The following CFAP77 variants were observed in gnomAD, a reference collection of about 807,000 sequenced individuals.
CFAP77 encodes the protein cilia- and flagella-associated protein 77.
Under a neutral mutation model 31.1 loss-of-function variants are expected in CFAP77, and 25 were observed. The observed-to-expected ratio is 0.80, with a 90% CI of 0.59 to 1.12. CFAP77 has a LOEUF of 1.12. Ranked by LOEUF, CFAP77 falls within the 50% of genes most tolerant of loss-of-function variation. The probability of loss-of-function intolerance (pLI) is 0.00; values close to 1 mark genes in which losing one functional copy is unlikely to be tolerated. For missense variants in CFAP77, 377 were observed against 397.3 expected (o/e 0.95, Z 0.44); for synonymous variants, 151 against 159.9 (o/e 0.94, Z 0.42).
At chr9:132,555,896 A>G (rs1852897206) in intron 5 of CFAP77, among the ~76,000 whole-genome samples, 1 of 152,114 alleles carries the variant, frequency 6.6e-6, no homozygotes, top group Admixed American at 6.5e-5. Flanking sequence ...ATATTTATCA[A>G]GCACCCACGG....
chr9:132,474,581 A>AG (rs752941583), intron 1 of CFAP77, among the ~76,000 whole-genome samples: 12 of 151,978 alleles, frequency 7.9e-5, no homozygotes, highest in East Asian at 5.8e-4. Flanking sequence ...CCTTAGGACC[A>AG]GGGGGGGAAT....
At chr9:132,486,684 C>T (rs563210020) in intron 1 of CFAP77, among the ~76,000 whole-genome samples, 42 of 152,390 alleles carry the variant, frequency 2.8e-4, no homozygotes, top group Middle Eastern at 3.4e-3. Context: ...CCCCCAGAGG[C>T]CGGGGACTCC....
At chr9:132,453,623 A>G (rs1164415874) in intron 1 of CFAP77, among the ~76,000 whole-genome samples, 2 of 152,240 alleles carry the variant, frequency 1.3e-5, no homozygotes, top group Non-Finnish European at 2.9e-5. Flanking sequence ...ATTCATTTAA[A>G]AACCCCACAG....
intron 1 of CFAP77, among the ~76,000 whole-genome samples, chr9:132,491,888 C>G (rs1002571480): frequency 6.6e-6 from 1 of 152,138 alleles, no homozygotes; most frequent in African/African-American, 2.4e-5. Context: ...TGTTGTTTTG[C>G]TTAAAGTTGC....
chr9:132,493,655 C>A (rs563126974), intron 1 of CFAP77, among the ~76,000 whole-genome samples: 35 of 152,314 alleles, frequency 2.3e-4, no homozygotes, highest in Non-Finnish European at 4.6e-4. Context: ...TCACTGCCCC[C>A]ACCCAGGGGT....
chr9:132,508,193 C>T (rs1344991075), intron 3 of CFAP77, among the ~76,000 whole-genome samples: 2 of 152,162 alleles, frequency 1.3e-5, no homozygotes, highest in Non-Finnish European at 1.5e-5. Flanking sequence ...TCATAGACTC[C>T]GCTGTGATCC....
chr9:132,526,374 T>G (rs977672620), intron 3 of CFAP77, among the ~76,000 whole-genome samples: 1 of 151,678 alleles, frequency 6.6e-6, no homozygotes, highest in Non-Finnish European at 1.5e-5. Context: ...GGACTACAGG[T>G]GCCCGCCACC....
At chr9:132,569,683 C>CCCCAAGG (rs1291295113) in intron 5 of CFAP77, among the ~76,000 whole-genome samples, 1 of 151,536 alleles carries the variant, frequency 6.6e-6, no homozygotes, top group Non-Finnish European at 1.5e-5. Context: ...GCCCCCGAGA[C>CCCCAAGG]CCCAAGGTCT....
rs993406269 is a variant in CFAP77 at position 132,539,597 on chromosome 9, G to A, written c.630+1891G>A. ...CTATGATGTTCTAGGGCCAACCAGGGGATCGGAGGAGTCTTTCTCGAAATC... is the reference window on the plus strand; with the variant it reads ...CTATGATGTTCTAGGGCCAACCAGGAGATCGGAGGAGTCTTTCTCGAAATC... On this transcript the variant is annotated intron_variant, in intron 4 of 5. Transcript: ENST00000393216. The surrounding 1 kb of genome is among the most constrained non-coding windows in gnomAD (Gnocchi z 4.3). Among the ~76,000 whole-genome samples the A allele has an allele frequency of 6.6e-6, 1 of 152,122 alleles. No individual in the cohort carries two copies. Among genetic ancestry groups the A allele is most frequent in the African/African-American group, 2.4e-5 (1 of 41,436 alleles).
At chr9:132,466,613 G>T (rs74792273) in intron 1 of CFAP77, among the ~76,000 whole-genome samples, 2,828 of 152,292 alleles carry the variant, frequency 0.019, 86 homozygotes, top group African/African-American at 0.065. Flanking sequence ...GACTGGATCG[G>T]TGTGGGGACA....
At chr9:132,464,396 C>G (rs959846466) in intron 1 of CFAP77, among the ~76,000 whole-genome samples, 2 of 152,070 alleles carry the variant, frequency 1.3e-5, no homozygotes, top group Admixed American at 1.3e-4. Context: ...ACTGTGCTGT[C>G]TTCAGAGCCT....
At position 132,559,346 on chromosome 9, in the gene CFAP77, C is replaced by CAAAAAAAAAAAAA. The variant is rs35737685; in HGVS notation, c.733-13034_733-13022dup. On this transcript the variant is annotated intron_variant, in intron 5 of 5. Transcript: ENST00000393216. The stretch of plus-strand genomic sequence containing the variant: ...CGCGTCAGAGTGAGACTCTGTCTTG[C>CAAAAAAAAAAAAA]AAAAAAAAAAAAAAAAAAAAGGCAA... 8.0e-4 allele frequency among the ~76,000 whole-genome samples: 45 copies of CAAAAAAAAAAAAA among 56,080 alleles called. 2 individuals carry two copies. The highest frequency in any genetic ancestry group is 2.0e-3 in the South Asian group (3 of 1,490). 36.8% of individuals were successfully genotyped at this position (56,080 alleles called of 152,430 possible). A position where few individuals can be genotyped will look rare whatever the true frequency, so the allele number is the denominator to read the frequency against.
chr9:132,531,940 G>C (rs540697307), intron 3 of CFAP77, among the ~76,000 whole-genome samples: 93 of 152,274 alleles, frequency 6.1e-4, no homozygotes, highest in African/African-American at 1.9e-3. Context: ...TGGATGTACC[G>C]GGGACTGCTG....
intron 1 of CFAP77, among the ~76,000 whole-genome samples, chr9:132,486,062 G>A (rs1263416723): frequency 0.031 from 666 of 21,380 alleles, 88 homozygotes; most frequent in East Asian, 0.14. Context: ...GTATGTGTGT[G>A]TGTGTATATA....
In CFAP77 at chr9:132,514,970, G is replaced by A. The variant is rs114633237; in HGVS notation, c.524+15370G>A. Among the ~76,000 whole-genome samples the A allele has an allele frequency of 7.2e-3, 1,099 of 152,214 alleles. 13 individuals are homozygous for A. The highest frequency in any genetic ancestry group is 0.024 in the African/African-American group (1,012 of 41,540). On this transcript the variant is annotated intron_variant, in intron 3 of 5. Coordinates refer to ENST00000393216, the MANE Select transcript of CFAP77 (RefSeq NM_001282957.2). Reference sequence around the variant, plus strand: ...GCGCCAGAGCTCAGCCCCCCAGCCCGCCCCAGCTCTCTGCTGGGAGGACAG... The same window carrying A: ...GCGCCAGAGCTCAGCCCCCCAGCCCACCCCAGCTCTCTGCTGGGAGGACAG...
chr9:132,475,896 C>T (rs968796433), intron 1 of CFAP77, among the ~76,000 whole-genome samples: 9 of 152,198 alleles, frequency 5.9e-5, no homozygotes, highest in African/African-American at 2.2e-4. Flanking sequence ...CCATCCCTGG[C>T]TCCCTATTAC....
chr9:132,411,655 A>G (rs1850004671), intron 1 of CFAP77, among the ~76,000 whole-genome samples: 1 of 152,172 alleles, frequency 6.6e-6, no homozygotes, highest in Admixed American at 6.5e-5. Flanking sequence ...GTGGACAGGC[A>G]GGACAGGCAG....
chr9:132,553,454 C>A (rs1481603359), intron 5 of CFAP77, among the ~76,000 whole-genome samples: 1 of 152,162 alleles, frequency 6.6e-6, no homozygotes, highest in Non-Finnish European at 1.5e-5. Flanking sequence ...AACAAACAAA[C>A]AAACAAACAC....
At chr9:132,425,431 T>C (rs1023408231) in intron 1 of CFAP77, among the ~76,000 whole-genome samples, 7 of 151,844 alleles carry the variant, frequency 4.6e-5, no homozygotes, top group South Asian at 2.1e-4. Context: ...CTTATCCCCA[T>C]GCTGAAAATG....
Sources: allele counts gnomAD v4.1 joint callset (sites outside exome capture counted in the v4.1 genomes callset), GRCh38; gene constraint gnomAD v4.1.1; non-coding constraint Gnocchi (gnomAD v3.1); transcripts MANE v1.5; gene names NCBI Gene and HGNC (gene_info 2026-07-23, HGNC 2026-07-21).